Variants in SUCO observed in about 807,000 individuals in gnomAD.
The protein encoded by SUCO is SUN domain containing ossification factor.
Under a neutral mutation model 148.1 loss-of-function variants are expected in SUCO, and 57 were observed. The observed-to-expected ratio is 0.38, with a 90% CI of 0.31 to 0.48. The LOEUF is 0.48. SUCO is among the 20% of genes least tolerant of loss of function. The probability of loss-of-function intolerance (pLI) is 0.96; values close to 1 mark genes in which losing one functional copy is unlikely to be tolerated. For missense variants in SUCO, 1,331 were observed against 1,468.2 expected (o/e 0.91, Z 1.53); for synonymous variants, 470 against 502.7 (o/e 0.93, Z 0.87).
At chr1:172,546,598 G>T (rs1025891963) in intron 1 of SUCO, among the ~76,000 whole-genome samples, 1 of 152,092 alleles carries the variant, frequency 6.6e-6, no homozygotes, top group African/African-American at 2.4e-5. Flanking sequence ...TTAATTACAG[G>T]ATCTTGAACA....
chr1:172,556,662 G>C (rs1293496211), intron 4 of SUCO: 1 of 984,848 alleles, frequency 1.0e-6, no homozygotes, highest in African/African-American at 1.7e-5. Flanking sequence ...GGTTGAAGGA[G>C]TTGCACAAGA....
chr1:172,572,526 C>A (rs1213063457), intron 9 of SUCO, among the ~76,000 whole-genome samples: 1 of 151,744 alleles, frequency 6.6e-6, no homozygotes, highest in African/African-American at 2.4e-5. Flanking sequence ...GTCATCACCA[C>A]TCCCTAATCT....
chr1:172,542,860 G>A (rs1652583833), intron 1 of SUCO: 2 of 985,300 alleles, frequency 2.0e-6, no homozygotes, highest in African/African-American at 1.7e-5. Context: ...AGTCATTTAA[G>A]TGGTCAACAA....
At chr1:172,533,819 T>C (rs528725796) in intron 1 of SUCO, among the ~76,000 whole-genome samples, 48 of 152,196 alleles carry the variant, frequency 3.2e-4, no homozygotes, top group African/African-American at 1.1e-3. Context: ...GGTGTTCAGA[T>C]TGATGGTAAG....
At chr1:172,604,902 T>A (rs1657764823) in intron 22 of SUCO, among the ~76,000 whole-genome samples, 1 of 151,848 alleles carries the variant, frequency 6.6e-6, no homozygotes, top group Non-Finnish European at 1.5e-5. Flanking sequence ...ATGTACCTCA[T>A]TTCCTTTATC....
chr1:172,609,217 A>ATT (rs11372208), intron 23 of SUCO: 1,375 of 819,594 alleles, frequency 1.7e-3, no homozygotes, highest in South Asian at 3.4e-3. Flanking sequence ...TGTTATCCTC[A>ATT]TTTTTTTTTT....
chr1:172,575,508 TA>T lies in SUCO; in HGVS notation c.1158-9del. On this transcript the variant is annotated splice_polypyrimidine_tract_variant and intron_variant, in intron 10 of 23. Coordinates refer to ENST00000263688, the MANE Select transcript of SUCO (RefSeq NM_014283.5). ...TTTTTAAAAAAGAACATATTGCTTA[TA>T]TTTTTTAGATATCCAACAAATAAGT... The T allele has an allele frequency of 6.4e-7, 1 of 1,573,894 alleles. No individual in the cohort carries two copies. The highest frequency in any genetic ancestry group is 8.7e-7 in the Non-Finnish European group (1 of 1,146,960).
chr1:172,572,836 C>G (rs1052097257), intron 9 of SUCO, among the ~76,000 whole-genome samples: 17 of 150,872 alleles, frequency 1.1e-4, no homozygotes, highest in Non-Finnish European at 2.1e-4. Context: ...CTGGAGCATT[C>G]GTTTATCTAT....
At chr1:172,556,224 ATT>A (rs2149232806) in intron 4 of SUCO, among the ~76,000 whole-genome samples, 1 of 152,332 alleles carries the variant, frequency 6.6e-6, no homozygotes, top group East Asian at 1.9e-4. Context: ...TAACAAGTTT[ATT>A]TAGCTAACTA....
At chr1:172,609,088 C>A in intron 23 of SUCO, 1 of 244,736 alleles carries the variant, frequency 4.1e-6, no homozygotes, top group Non-Finnish European at 6.5e-6. Flanking sequence ...TATTTACTGT[C>A]TGACCCTTCA....
At chr1:172,532,852 T>G (rs1015885900), upstream of SUCO, 97 of 1,535,856 alleles carry the variant, frequency 6.3e-5, no homozygotes, top group Non-Finnish European at 7.9e-5. Context: ...CCCGGCTTTC[T>G]GAACGCAAGC....
intron 16 of SUCO, 119 bp downstream of exon 16, chr1:172,585,205 A>T (rs758485246): frequency 5.6e-6 from 5 of 891,618 alleles, no homozygotes; most frequent in Non-Finnish European, 7.9e-6. Context: ...TATAGAAATA[A>T]TTCAGAGGAA....
At chr1:172,538,819 C>T (rs939429976) in intron 1 of SUCO, among the ~76,000 whole-genome samples, 7 of 152,070 alleles carry the variant, frequency 4.6e-5, no homozygotes, top group South Asian at 2.1e-4. Context: ...TAAGAGGTGT[C>T]GGGTCATACA....
At chr1:172,545,653 A>T (rs1321205892) in intron 1 of SUCO, among the ~76,000 whole-genome samples, 3 of 152,238 alleles carry the variant, frequency 2.0e-5, no homozygotes, top group Non-Finnish European at 2.9e-5. Flanking sequence ...AGATTTCAGC[A>T]GGCTGAGGAC....
At chr1:172,564,418 G>T (rs1262282375) in intron 6 of SUCO, among the ~76,000 whole-genome samples, 1 of 152,218 alleles carries the variant, frequency 6.6e-6, no homozygotes, top group Non-Finnish European at 1.5e-5. Flanking sequence ...CCTTGGTGAT[G>T]AATGAGTTCT....
At chr1:172,592,829 T>C (rs1400586324) in intron 19 of SUCO, among the ~76,000 whole-genome samples, 1 of 152,230 alleles carries the variant, frequency 6.6e-6, no homozygotes, top group African/African-American at 2.4e-5. Context: ...CATTGGTGGC[T>C]TGATGGGGAT....
intron 19 of SUCO, among the ~76,000 whole-genome samples, chr1:172,593,275 C>G (rs536844347): frequency 6.6e-6 from 1 of 152,144 alleles, no homozygotes; most frequent in Non-Finnish European, 1.5e-5. Context: ...TTTCTTTCTC[C>G]TGCCTGATTG....
At chr1:172,567,724 AT>A (rs1654655962) in intron 6 of SUCO, among the ~76,000 whole-genome samples, 1 of 152,298 alleles carries the variant, frequency 6.6e-6, no homozygotes, top group Non-Finnish European at 1.5e-5. Context: ...TTTCACTTAG[AT>A]TTATACATGG....
At position 172,588,904 on chromosome 1, in the gene SUCO, G is replaced by A. The variant is rs765484472; in HGVS notation, c.1803G>A (p.Gln601=). 4 of 1,613,266 alleles carry A rather than the reference G, an allele frequency of 2.5e-6. No homozygotes were observed. The highest frequency in any genetic ancestry group is 4.5e-5 in the East Asian group (2 of 44,870). ...TGACCCTTCTGGGCAGCGGTGAACAGGAAGATGAATCATCACCCTGGTTTG... is the reference window on the plus strand; with the variant it reads ...TGACCCTTCTGGGCAGCGGTGAACAAGAAGATGAATCATCACCCTGGTTTG... ...STVTLLGSGE[Q]EDESSPWFES... Residue 601 remains glutamine (Q), a synonymous_variant, in exon 18 of 24, where the codon CAG becomes CAA. Coordinates refer to ENST00000263688, the MANE Select transcript of SUCO (RefSeq NM_014283.5).
Sources: gnomAD v4.1 joint callset for allele counts (sites outside exome capture counted in the v4.1 genomes callset) on GRCh38, gnomAD v4.1.1 for gene constraint, MANE v1.5 for transcripts, NCBI Gene and HGNC (gene_info 2026-07-23, HGNC 2026-07-21) for gene names.